The following PITPNC1 variants were observed in gnomAD, a reference collection of about 807,000 sequenced individuals.
The protein encoded by PITPNC1 is cytoplasmic phosphatidylinositol transfer protein 1.
A neutral mutation model predicts 44.7 loss-of-function variants in PITPNC1; 18 were observed. The observed-to-expected ratio is 0.40, with a 90% CI of 0.28 to 0.60. PITPNC1 has a LOEUF of 0.60. PITPNC1 is among the 20% of genes least tolerant of loss of function. The pLI is 0.39. For synonymous variants in PITPNC1, 141 were observed against 149.6 expected (o/e 0.94, Z 0.42); for missense variants, 290 against 418.4 (o/e 0.69, Z 2.68).
At chr17:67,447,372 A>T (rs2039113551) in intron 1 of PITPNC1, among the ~76,000 whole-genome samples, 1 of 151,926 alleles carries the variant, frequency 6.6e-6, no homozygotes, top group Non-Finnish European at 1.5e-5. Flanking sequence ...TCTCCTGTCC[A>T]GCCTGCTGCC....
At chr17:67,570,528 C>T (rs182217962) in intron 4 of PITPNC1, among the ~76,000 whole-genome samples, 2 of 152,328 alleles carry the variant, frequency 1.3e-5, no homozygotes, top group Admixed American at 6.5e-5. Flanking sequence ...TCAGCTTTCT[C>T]GTCCACATTG....
intron 1 of PITPNC1, among the ~76,000 whole-genome samples, chr17:67,383,764 C>T (rs930050995): frequency 2.0e-5 from 3 of 152,200 alleles, no homozygotes; most frequent in Non-Finnish European, 2.9e-5. Context: ...TCTGGCCAGG[C>T]GCGGTGGCTC....
intron 1 of PITPNC1, among the ~76,000 whole-genome samples, chr17:67,471,225 TAAA>T (rs921967653): frequency 1.1e-5 from 1 of 87,044 alleles, no homozygotes; most frequent in African/African-American, 4.7e-5. Context: ...AAAAAAAATG[TAAA>T]AAAAAAAAAT....
intron 6 of PITPNC1, among the ~76,000 whole-genome samples, chr17:67,654,441 C>T (rs1368097314): frequency 6.6e-6 from 1 of 152,186 alleles, no homozygotes; most frequent in Non-Finnish European, 1.5e-5. Context: ...CTGGGACATT[C>T]CCACTGCCTT....
intron 1 of PITPNC1, among the ~76,000 whole-genome samples, chr17:67,523,492 A>C (rs528914739): frequency 1.9e-3 from 167 of 86,868 alleles, no homozygotes; most frequent in African/African-American, 8.3e-3. Flanking sequence ...TTAATTTTTA[A>C]GTTTTTTTTT....
At chr17:67,580,453 C>T (rs1187205784) in intron 5 of PITPNC1, among the ~76,000 whole-genome samples, 1 of 152,218 alleles carries the variant, frequency 6.6e-6, no homozygotes, top group Non-Finnish European at 1.5e-5. Context: ...TCAAGCAATC[C>T]TCCCACCTCA....
rs138033609 is a variant in PITPNC1 at position 67,527,658 on chromosome 17, G to A, written c.49-5144G>A. On this transcript the variant is annotated intron_variant, in intron 1 of 8. Transcript: ENST00000581322. ...GGAGGTTGCAGTGAGCTGATATCTC[G>A]CCACTGCACTCCAGCCTGGGAGACA... Among the ~76,000 whole-genome samples the A allele has an allele frequency of 7.9e-3, 1,199 of 151,950 alleles. 13 individuals are homozygous for A. The highest frequency in any genetic ancestry group is 0.027 in the African/African-American group (1,114 of 41,416).
chr17:67,586,901 G>C (rs755375731), intron 5 of PITPNC1, among the ~76,000 whole-genome samples: 1 of 152,214 alleles, frequency 6.6e-6, no homozygotes, highest in Non-Finnish European at 1.5e-5. Flanking sequence ...TCCAGACCAA[G>C]ATGGTGGTTT....
intron 2 of PITPNC1, 54 bp downstream of exon 2, chr17:67,533,004 TG>T: frequency 6.8e-7 from 1 of 1,478,918 alleles, no homozygotes; most frequent in Non-Finnish European, 9.3e-7. Flanking sequence ...CCTGACCCCA[TG>T]GTGTGACAGT....
intron 1 of PITPNC1, among the ~76,000 whole-genome samples, chr17:67,438,810 T>TA (rs1392198900): frequency 6.6e-6 from 1 of 152,216 alleles, no homozygotes; most frequent in Non-Finnish European, 1.5e-5. Context: ...GCTGCTGACT[T>TA]ACGGCTACTA....
chr17:67,425,636 C>G (rs2038753370), intron 1 of PITPNC1, among the ~76,000 whole-genome samples: 1 of 151,812 alleles, frequency 6.6e-6, no homozygotes. Context: ...ATCTTCCTGC[C>G]TCCACCTCCC....
rs1374813320 is a variant in PITPNC1, at chr17:67,631,635, C to CAAAAAA, written c.367-490_367-485dup. ...AAGAGTGAGACTCCGTCTCAAAAAC[C>CAAAAAA]AAAAAAAAAAAAAAAAAAAAAAATA... On this transcript the variant is annotated intron_variant, in intron 5 of 8. Coordinates refer to ENST00000581322, the MANE Select transcript of PITPNC1 (RefSeq NM_012417.4). 1.0e-3 allele frequency among the ~76,000 whole-genome samples: 16 copies of CAAAAAA among 15,766 alleles called. 2 individuals carry two copies. Among genetic ancestry groups the CAAAAAA allele is most frequent in the East Asian group, 2.8e-3 (3 of 1,064 alleles). The allele number at this position is 15,766 out of a possible 152,430, so 10.3% of individuals were successfully genotyped here.
chr17:67,388,261 C>G (rs577983541), intron 1 of PITPNC1, among the ~76,000 whole-genome samples: 1 of 151,970 alleles, frequency 6.6e-6, no homozygotes, highest in Non-Finnish European at 1.5e-5. Flanking sequence ...GGAGTTATTG[C>G]CGTCAGACTG....
intron 8 of PITPNC1, among the ~76,000 whole-genome samples, chr17:67,686,383 G>A (rs1265256101): frequency 6.6e-6 from 1 of 151,612 alleles, no homozygotes; most frequent in Non-Finnish European, 1.5e-5. Context: ...CTGAAAAACT[G>A]CAGACTTGGG....
chr17:67,686,058 T>C (rs2042809779), intron 8 of PITPNC1, among the ~76,000 whole-genome samples: 2 of 152,048 alleles, frequency 1.3e-5, no homozygotes, highest in South Asian at 4.2e-4. Flanking sequence ...CTTGAACTCC[T>C]GACCTCAATT....
At chr17:67,452,400 T>C (rs1224079135) in intron 1 of PITPNC1, among the ~76,000 whole-genome samples, 2 of 152,056 alleles carry the variant, frequency 1.3e-5, no homozygotes, top group African/African-American at 4.8e-5. Context: ...TAGAGATTTG[T>C]TTCTAATTCG....
chr17:67,480,886 G>T (rs568809407), intron 1 of PITPNC1, among the ~76,000 whole-genome samples: 1 of 152,288 alleles, frequency 6.6e-6, no homozygotes, highest in African/African-American at 2.4e-5. Context: ...GCTGTAACAA[G>T]AGATCCAACA....
intron 1 of PITPNC1, among the ~76,000 whole-genome samples, chr17:67,424,011 C>G (rs1045458145): frequency 1.3e-4 from 20 of 148,516 alleles, no homozygotes; most frequent in Non-Finnish European, 2.7e-4. Flanking sequence ...CATTTTACAA[C>G]TCTTCATATG....
chr17:67,384,013 G>A (rs2094985492), intron 1 of PITPNC1, among the ~76,000 whole-genome samples: 2 of 152,008 alleles, frequency 1.3e-5, no homozygotes, highest in African/African-American at 2.4e-5. Flanking sequence ...CTCCAGCCTG[G>A]GCAACAAGAG....
Sources: gnomAD v4.1 joint callset for allele counts (sites outside exome capture counted in the v4.1 genomes callset) on GRCh38, gnomAD v4.1.1 for gene constraint, MANE v1.5 for transcripts, NCBI Gene and HGNC (gene_info 2026-07-23, HGNC 2026-07-21) for gene names.